The following ANKMY1 variants were observed in gnomAD, a reference collection of about 807,000 sequenced individuals.
The protein encoded by ANKMY1 is ankyrin repeat and MYND domain-containing protein 1.
Under a neutral mutation model 102.0 loss-of-function variants are expected in ANKMY1, and 98 were observed. That is an observed-to-expected ratio of 0.96 (90% CI 0.82 to 1.14). The LOEUF (loss-of-function observed/expected upper bound fraction) is 1.14, where lower values mean the gene tolerates loss of function less well. ANKMY1 is among the 50% of genes most tolerant of loss of function. The pLI is 0.00. For missense variants in ANKMY1, 1,330 were observed against 1,347.6 expected, an observed-to-expected ratio of 0.99 and a Z score of 0.20; for synonymous variants, 582 against 559.9, an observed-to-expected ratio of 1.04 and a Z score of -0.56.
At position 240,480,997 on chromosome 2, in the gene ANKMY1, A is replaced by G. The variant is rs1360498336; in HGVS notation, c.2986T>C (p.Cys996Arg). Residue 996 changes from cysteine (C) to arginine (R), a missense_variant, in exon 17 of 18, where the codon TGC (cysteine) becomes CGC (arginine). Coordinates refer to ENST00000401804, the MANE Select transcript of ANKMY1 (RefSeq NM_001282771.3). ...AACTCGGTCCAGGCCTTGGTCTTGCAGTACTTGCTGCAGGTCAGGATCCCG... is the reference window on the plus strand; with the variant it reads ...AACTCGGTCCAGGCCTTGGTCTTGCGGTACTTGCTGCAGGTCAGGATCCCG... ...CYGILTCSKY[C>R]KTKAWTEFHK... is the part of the protein sequence containing the mutation. 6.2e-7 allele frequency: 1 copy of G among 1,613,968 alleles called. No homozygotes were observed. Among genetic ancestry groups the G allele is most frequent in the African/African-American group, 1.3e-5 (1 of 75,056 alleles).
chr2:240,486,774 A>G (rs1003786481), intron 15 of ANKMY1, among the ~76,000 whole-genome samples: 1 of 152,196 alleles, frequency 6.6e-6, no homozygotes, highest in Admixed American at 6.5e-5. Context: ...TCAGTCTCCC[A>G]AAGTGCTGGT....
chr2:240,490,946 A>G (rs1423010543), intron 15 of ANKMY1, among the ~76,000 whole-genome samples: 1 of 152,044 alleles, frequency 6.6e-6, no homozygotes, highest in African/African-American at 2.4e-5. Context: ...CCCCATTATT[A>G]TTGTATTGCA....
chr2:240,481,623 G>T (rs1158540836), intron 16 of ANKMY1, among the ~76,000 whole-genome samples: 2 of 152,184 alleles, frequency 1.3e-5, no homozygotes, highest in South Asian at 2.1e-4. Context: ...ATGAGGTGGG[G>T]ATGCCAACAA....
chr2:240,496,207 ATC>A (rs983104553), intron 15 of ANKMY1, among the ~76,000 whole-genome samples: 7 of 152,180 alleles, frequency 4.6e-5, no homozygotes, highest in Admixed American at 2.6e-4. Flanking sequence ...TGTTTTACAA[ATC>A]TCTGTTTTAT....
intron 4 of ANKMY1, among the ~76,000 whole-genome samples, chr2:240,552,412 T>C (rs1277493830): frequency 6.6e-6 from 1 of 152,230 alleles, no homozygotes; most frequent in Non-Finnish European, 1.5e-5. Flanking sequence ...GAGACATTTA[T>C]TACAAAGGCC....
chr2:240,525,595 C>G, intron 7 of ANKMY1, 90 bp downstream of exon 7: 1 of 1,466,822 alleles, frequency 6.8e-7, no homozygotes, highest in Non-Finnish European at 9.3e-7. Context: ...GCCTGGTCCA[C>G]ACAGGAGGGA....
downstream of ANKMY1, among the ~76,000 whole-genome samples, chr2:240,475,992 C>T (rs762082335): frequency 6.6e-6 from 1 of 151,760 alleles, no homozygotes; most frequent in Non-Finnish European, 1.5e-5. Flanking sequence ...ACAGAAATAG[C>T]AAAAACAATC....
Position 240,553,008 on chromosome 2 carries a change from T to C in ANKMY1, c.386A>G (p.Tyr129Cys), listed in dbSNP as rs1469287729. The change falls in exon 4 of 18, where the codon TAC (tyrosine) becomes TGC (cysteine). Residue 129 changes from tyrosine (Y) to cysteine (C), a missense_variant. By Grantham distance (194) the Tyr-to-Cys change is radical. Coordinates refer to ENST00000401804, the MANE Select transcript of ANKMY1 (RefSeq NM_001282771.3). ...GAAACTGGAGCCATCTGGCCACATGTAGGTACCCAGGCCATGGCAGTGGTC... is the reference window on the plus strand; with the variant it reads ...GAAACTGGAGCCATCTGGCCACATGCAGGTACCCAGGCCATGGCAGTGGTC... ...YRDHCHGLGT[Y>C]MWPDGSSFTG... The C allele has an allele frequency of 5.0e-6, 8 of 1,613,914 alleles. No individual in the cohort carries two copies. Among genetic ancestry groups the C allele is most frequent in the Non-Finnish European group, 5.1e-6 (6 of 1,180,008 alleles).
rs757123975 is a variant in ANKMY1 at position 240,482,199 on chromosome 2, C to T, written c.2869G>A (p.Val957Met). 1.9e-6 allele frequency: 3 copies of T among 1,612,508 alleles called. No homozygotes were observed. In the Admixed American group the frequency reaches 5.0e-5, roughly 27 times the overall value. ...KGPSLPRGLDVKEQGQIPFFK... is the reference protein window; with the variant it reads ...KGPSLPRGLDMKEQGQIPFFK... ...CACACTTACTGCCCCTGCTCCTTCA[C>T]ATCCAGGCCCCTGGGCAGGCTGGGG... Residue 957 changes from valine (V) to methionine (M), a missense_variant, in exon 16 of 18, where the codon GTG becomes ATG. By Grantham distance (21) the Val-to-Met change is conservative. Transcript: ENST00000401804.
At chr2:240,511,346 C>A (rs538535023) in intron 11 of ANKMY1, among the ~76,000 whole-genome samples, 3 of 152,270 alleles carry the variant, frequency 2.0e-5, no homozygotes, top group Non-Finnish European at 4.4e-5. Flanking sequence ...TGCTGCCACA[C>A]GGCAAAGCTG....
intron 15 of ANKMY1, among the ~76,000 whole-genome samples, chr2:240,482,959 G>A (rs1312202381): frequency 6.6e-6 from 1 of 151,994 alleles, no homozygotes; most frequent in Non-Finnish European, 1.5e-5. Context: ...CATGTATTTG[G>A]GTGTCTGTGA....
At position 240,483,670 on chromosome 2, in the gene ANKMY1, G is replaced by A. The variant is rs145500888; in HGVS notation, c.2807-1409C>T. Among the ~76,000 whole-genome samples, 58 of 151,940 alleles carry A rather than the reference G, an allele frequency of 3.8e-4. No individual in the cohort carries two copies. The East Asian group carries it at 4.8e-3, about 13-fold the overall frequency. ...TCCTTTATTCTTCCTTTACTCTTCC[G>A]CATCAAGTGGATTCTTTTTCTTCTT... On this transcript the variant is annotated intron_variant, in intron 15 of 17. Transcript: ENST00000401804.
At chr2:240,492,117 C>A (rs748185157) in intron 15 of ANKMY1, among the ~76,000 whole-genome samples, 1 of 152,108 alleles carries the variant, frequency 6.6e-6, no homozygotes, top group Non-Finnish European at 1.5e-5. Flanking sequence ...CCCAGCCTCC[C>A]AAGCAGCTAG....
downstream of ANKMY1, among the ~76,000 whole-genome samples, chr2:240,475,766 A>T (rs1487825156): frequency 6.6e-6 from 1 of 151,918 alleles, no homozygotes; most frequent in Non-Finnish European, 1.5e-5. Flanking sequence ...TGGAACTTTT[A>T]GAATATATAC....
At chr2:240,492,704 A>T (rs1183803343) in intron 15 of ANKMY1, among the ~76,000 whole-genome samples, 8 of 151,734 alleles carry the variant, frequency 5.3e-5, no homozygotes, top group Admixed American at 5.3e-4. Context: ...TTTTTTTTTA[A>T]ATTTGAGACA....
chr2:240,502,271 C>CG, intron 13 of ANKMY1, among the ~76,000 whole-genome samples: 1 of 151,760 alleles, frequency 6.6e-6, no homozygotes, highest in South Asian at 2.1e-4. Flanking sequence ...GTGATGCAGC[C>CG]ACCTACCCCA....
the ANKMY1 span, among the ~76,000 whole-genome samples, chr2:240,468,776 G>A: frequency 2.6e-5 from 4 of 152,216 alleles, no homozygotes; most frequent in South Asian, 2.1e-4. Context: ...CCTTGTGAGC[G>A]TGAGAGCACA....
At chr2:240,531,557 T>A (rs1275941440) in intron 4 of ANKMY1, among the ~76,000 whole-genome samples, 1 of 152,224 alleles carries the variant, frequency 6.6e-6, no homozygotes, top group Non-Finnish European at 1.5e-5. Context: ...ATAATTTTTT[T>A]AAATTGACTG....
At position 240,557,221 on chromosome 2, in the gene ANKMY1, AC is replaced by A; in HGVS notation, c.114del (p.Ser39ProfsTer2). The stretch of plus-strand genomic sequence containing the variant: ...GCGAAGACAGCGTAGTTCTTCAGGG[AC>A]CCCGGCTCCTCGGCAGCAGGGGTCT... ...GGETPAAEEP[G>X]SLKNYAVFAT... On this transcript the variant is annotated frameshift_variant, in exon 2 of 18. Coordinates refer to ENST00000401804, the MANE Select transcript of ANKMY1 (RefSeq NM_001282771.3). LOFTEE classifies it high-confidence loss of function. 1 of 1,580,922 alleles carries A rather than the reference AC, an allele frequency of 6.3e-7. No individual in the cohort carries two copies. The highest frequency in any genetic ancestry group is 8.6e-7 in the Non-Finnish European group (1 of 1,162,164).
Sources: gnomAD v4.1 joint callset for allele counts (sites outside exome capture counted in the v4.1 genomes callset) on GRCh38, gnomAD v4.1.1 for gene constraint, MANE v1.5 for transcripts, NCBI Gene and HGNC (gene_info 2026-07-23, HGNC 2026-07-21) for gene names.